Variants in ADGB observed in about 807,000 individuals in gnomAD.
ADGB encodes the protein calpain-7-like protein.
A neutral mutation model predicts 210.5 loss-of-function variants in ADGB; 172 were observed. That is an observed-to-expected ratio of 0.82 (90% CI 0.72 to 0.93). The LOEUF (loss-of-function observed/expected upper bound fraction) is 0.93. ADGB is among the 40% of genes least tolerant of loss of function. ADGB has a pLI of 0.00. For missense variants in ADGB, 2,025 were observed against 1,964.8 expected, an observed-to-expected ratio of 1.03 and a Z score of -0.58; for synonymous variants, 658 against 662.7, an observed-to-expected ratio of 0.99 and a Z score of 0.11.
intron 16 of ADGB, among the ~76,000 whole-genome samples, chr6:146,720,516 G>A (rs1487525259): frequency 1.3e-5 from 2 of 152,180 alleles, no homozygotes; most frequent in African/African-American, 2.4e-5. Context: ...ACAGCCTGCT[G>A]TATCAGCAAG....
chr6:146,618,878 T>C (rs1209638925), intron 1 of ADGB, among the ~76,000 whole-genome samples: 1 of 152,018 alleles, frequency 6.6e-6, no homozygotes, highest in African/African-American at 2.4e-5. Flanking sequence ...TCATCTGGAG[T>C]GCAGTGTAAC....
intron 17 of ADGB, among the ~76,000 whole-genome samples, chr6:146,722,648 T>C (rs1776838368): frequency 6.6e-6 from 1 of 152,188 alleles, no homozygotes; most frequent in Non-Finnish European, 1.5e-5. Flanking sequence ...TTGCAAACCC[T>C]CAAACATTCT....
chr6:146,747,840 C>T lies in ADGB; in HGVS notation c.3365+1731C>T, dbSNP rs1411298218. Among the ~76,000 whole-genome samples, 7 of 148,080 alleles carry T rather than the reference C, an allele frequency of 4.7e-5. No homozygotes were observed. The East Asian group carries it at 6.0e-4, about 13-fold the overall frequency. On this transcript the variant is annotated intron_variant, in intron 26 of 35. Coordinates refer to ENST00000397944, the MANE Select transcript of ADGB (RefSeq NM_024694.4). The stretch of plus-strand genomic sequence containing the variant: ...GTCACCCAGGCTGTATGTAGTACAG[C>T]GGCACGATCTTGGCTCATTGCAACC...
chr6:146,774,814 C>A (rs193176280), intron 29 of ADGB, among the ~76,000 whole-genome samples: 172 of 152,274 alleles, frequency 1.1e-3, no homozygotes, highest in African/African-American at 3.9e-3. Context: ...TTACTAATGT[C>A]TTTAATTTAT....
intron 13 of ADGB, among the ~76,000 whole-genome samples, chr6:146,713,396 T>C (rs745824303): frequency 1.0e-4 from 15 of 149,822 alleles, no homozygotes; most frequent in Non-Finnish European, 1.9e-4. Flanking sequence ...CTTACCAACA[T>C]TTATTATTTT....
Position 146,717,604 on chromosome 6 carries a change from G to A in ADGB, c.1992+5G>A. Reference sequence around the variant, plus strand: ...TTTCAAAAATCAGAATTTAAGGTAAGTATGTTAGAATCTTTTCTATTCTCT... The same window carrying A: ...TTTCAAAAATCAGAATTTAAGGTAAATATGTTAGAATCTTTTCTATTCTCT... On this transcript the variant is annotated splice_donor_5th_base_variant and intron_variant, in intron 16 of 35. Coordinates refer to ENST00000397944, the MANE Select transcript of ADGB (RefSeq NM_024694.4). 7.2e-7 allele frequency: 1 copy of A among 1,391,404 alleles called. No individual in the cohort carries two copies. The highest frequency in any genetic ancestry group is 9.8e-7 in the Non-Finnish European group (1 of 1,021,626). 86.2% of individuals were successfully genotyped at this position (1,391,404 alleles called of 1,614,324 possible). A position where few individuals can be genotyped will look rare whatever the true frequency, so the allele number is the denominator to read the frequency against.
Position 146,692,828 on chromosome 6 carries a change from T to A in ADGB, c.1490T>A (p.Leu497Ter). 1.3e-6 allele frequency: 2 copies of A among 1,508,898 alleles called. No individual in the cohort carries two copies. Among genetic ancestry groups the A allele is most frequent in the Non-Finnish European group, 1.8e-6 (2 of 1,119,836 alleles). The allele number at this position is 1,508,898 out of a possible 1,614,324, so 93.5% of individuals were successfully genotyped here. A position where few individuals can be genotyped will look rare whatever the true frequency, so the allele number is the denominator to read the frequency against. ...ETVITDEAQE[L>*]IVKKPERFLE... ...CTTTCTAACTGCTACTTTTTAGAGT[T>A]AATAGTAAAGAAGCCTGAACGGTTC... The change falls in exon 12 of 36, where the codon TTA (leucine) becomes TAA (stop). Residue 497 changes from leucine to a stop codon, truncating the protein, a stop_gained. Transcript: ENST00000397944. LOFTEE classifies it high-confidence loss of function.
chr6:146,633,352 A>T lies in ADGB; in HGVS notation c.75-2023A>T, dbSNP rs559546793. Among the ~76,000 whole-genome samples, 8 of 152,184 alleles carry T rather than the reference A, an allele frequency of 5.3e-5. 1 individual carries two copies. The South Asian group carries it at 1.7e-3, about 32-fold the overall frequency. On this transcript the variant is annotated intron_variant, in intron 1 of 35. Transcript: ENST00000397944. ...GGTCTTTTTCAACATAGCAGCAAGA[A>T]TTATCATCAAATTCTAATAATATCA...
chr6:146,778,179 C>T (rs1338672975), intron 29 of ADGB, among the ~76,000 whole-genome samples: 1 of 152,098 alleles, frequency 6.6e-6, no homozygotes, highest in Non-Finnish European at 1.5e-5. Flanking sequence ...AGCTCTAGGA[C>T]CTGGATTTTC....
intron 9 of ADGB, among the ~76,000 whole-genome samples, chr6:146,682,933 C>A (rs1294320659): frequency 6.6e-6 from 1 of 151,896 alleles, no homozygotes; most frequent in Non-Finnish European, 1.5e-5. Context: ...AGTCCATGTG[C>A]TAGAATTTTG....
intron 29 of ADGB, among the ~76,000 whole-genome samples, chr6:146,779,299 A>G (rs982661544): frequency 6.6e-6 from 1 of 152,260 alleles, no homozygotes. Flanking sequence ...AGAATGAAGA[A>G]AAAGGAAGAG....
rs1776301145 is a variant in ADGB at position 146,691,176 on chromosome 6, CTGG to C, written c.1375_1377del (p.Val459del). 1 of 1,549,702 alleles carries C rather than the reference CTGG, an allele frequency of 6.5e-7. No homozygotes were observed. Among genetic ancestry groups the C allele is most frequent in the African/African-American group, 1.4e-5 (1 of 72,704 alleles). On this transcript the variant is annotated inframe_deletion, in exon 11 of 36. Transcript: ENST00000397944. ...TTCCCACATCTGTAGCCATCCTGTG[CTGG>C]TGACTAGAAGTAGGTCTTGTCCTCT...
Position 146,599,087 on chromosome 6 carries a change from C to G in ADGB, c.47C>G (p.Ser16Trp), listed in dbSNP as rs748626518. The G allele has an allele frequency of 3.2e-5, 49 of 1,551,610 alleles. No individual in the cohort carries two copies. The highest frequency in any genetic ancestry group is 4.3e-5 in the Non-Finnish European group (49 of 1,146,996). The stretch of plus-strand genomic sequence containing the variant: ...AAGAAAGAGGTGCATCGTATCAACT[C>G]GGCGCACGGATCGGATAAATCGAAA... ...TKKKEVHRIN[S>W]AHGSDKSKDF... Residue 16 changes from serine to tryptophan, a missense_variant, in exon 1 of 36, where the codon TCG (serine) becomes TGG (tryptophan). Ser to Trp is a radical substitution (Grantham distance 177, BLOSUM62 -3). Coordinates refer to ENST00000397944, the MANE Select transcript of ADGB (RefSeq NM_024694.4).
intron 33 of ADGB, among the ~76,000 whole-genome samples, chr6:146,790,267 G>A (rs551938806): frequency 2.0e-5 from 3 of 152,204 alleles, no homozygotes; most frequent in East Asian, 3.9e-4. Flanking sequence ...CTATGCAATA[G>A]AACACCAGAA....
At chr6:146,672,714 T>C (rs921296393) in intron 8 of ADGB, among the ~76,000 whole-genome samples, 1 of 141,190 alleles carries the variant, frequency 7.1e-6, no homozygotes, top group African/African-American at 2.7e-5. Context: ...GTCTTTGTTT[T>C]CAGTTTTTCT....
chr6:146,638,398 T>C (rs112419868), intron 2 of ADGB, among the ~76,000 whole-genome samples: 1 of 151,636 alleles, frequency 6.6e-6, no homozygotes, highest in African/African-American at 2.4e-5. Flanking sequence ...ATGTGGCACA[T>C]ATACCCCATG....
At chr6:146,621,806 C>T (rs968818680) in intron 1 of ADGB, among the ~76,000 whole-genome samples, 2 of 152,054 alleles carry the variant, frequency 1.3e-5, no homozygotes, top group African/African-American at 2.4e-5. Context: ...CATTTACCTA[C>T]TGTTGTGCAT....
intron 1 of ADGB, among the ~76,000 whole-genome samples, chr6:146,623,644 T>A (rs565037329): frequency 6.6e-6 from 1 of 152,038 alleles, no homozygotes; most frequent in South Asian, 2.1e-4. Context: ...CAAATGAGAA[T>A]GTATATTCTT....
intron 1 of ADGB, among the ~76,000 whole-genome samples, chr6:146,625,545 TTG>T (rs970821370): frequency 2.0e-5 from 3 of 152,124 alleles, no homozygotes; most frequent in Non-Finnish European, 4.4e-5. Flanking sequence ...AGTGGGTCTT[TTG>T]TGAGTTTCAT....
Sources: gnomAD v4.1 joint callset for allele counts (sites outside exome capture counted in the v4.1 genomes callset) on GRCh38, gnomAD v4.1.1 for gene constraint, MANE v1.5 for transcripts, NCBI Gene and HGNC (gene_info 2026-07-23, HGNC 2026-07-21) for gene names.